KATNIP: variants seen among roughly 807,000 people sequenced by gnomAD.
The protein encoded by KATNIP is katanin-interacting protein.
Under a neutral mutation model 174.0 loss-of-function variants are expected in KATNIP, and 126 were observed. The observed-to-expected ratio is 0.72, with a 90% CI of 0.63 to 0.84. The LOEUF is 0.84. Ranked by LOEUF, KATNIP falls within the 40% of genes least tolerant of loss-of-function variation. The probability of loss-of-function intolerance (pLI) is 0.00; values close to 1 mark genes in which losing one functional copy is unlikely to be tolerated. For missense variants in KATNIP, 1,958 were observed against 2,109.7 expected, an observed-to-expected ratio of 0.93 and a Z score of 1.41; for synonymous variants, 810 against 835.7, an observed-to-expected ratio of 0.97 and a Z score of 0.53.
At chr16:27,673,473 A>G (rs1330978364) in intron 6 of KATNIP, among the ~76,000 whole-genome samples, 7 of 152,336 alleles carry the variant, frequency 4.6e-5, no homozygotes, top group South Asian at 2.1e-4. Flanking sequence ...AACCAGCTCA[A>G]TACACTCAAT....
chr16:27,690,440 A>G (rs1220680307), intron 8 of KATNIP, among the ~76,000 whole-genome samples: 1 of 152,212 alleles, frequency 6.6e-6, no homozygotes, highest in Non-Finnish European at 1.5e-5. Context: ...CAGCTAGAGA[A>G]ACAGACACTA....
At chr16:27,659,773 A>G (rs2077411361) in intron 6 of KATNIP, among the ~76,000 whole-genome samples, 1 of 152,128 alleles carries the variant, frequency 6.6e-6, no homozygotes, top group South Asian at 2.1e-4. Flanking sequence ...ACACTGAGGA[A>G]TGGGAGGGAG....
At chr16:27,744,674 A>G (rs566985593) in intron 15 of KATNIP, among the ~76,000 whole-genome samples, 1 of 152,214 alleles carries the variant, frequency 6.6e-6, no homozygotes, top group East Asian at 1.9e-4. Context: ...CCTGAGGTCA[A>G]GAATTCGAGA....
intron 20 of KATNIP, among the ~76,000 whole-genome samples, 162 bp from the exon 21 acceptor site, chr16:27,769,699 G>A (rs1035527416): frequency 2.6e-5 from 4 of 152,212 alleles, no homozygotes; most frequent in Non-Finnish European, 5.9e-5. Context: ...CCTGCCCAGC[G>A]CCCACACAGC....
At position 27,708,781 on chromosome 16, in the gene KATNIP, A is replaced by G. The variant is rs757280230; in HGVS notation, c.1466A>G (p.Asn489Ser). 7 of 1,613,904 alleles carry G rather than the reference A, an allele frequency of 4.3e-6. No individual in the cohort carries two copies. The highest frequency in any genetic ancestry group is 5.9e-6 in the Non-Finnish European group (7 of 1,180,006). The change falls in exon 13 of 28, where the codon AAC (asparagine) becomes AGC (serine). Residue 489 changes from asparagine to serine, a missense_variant. Around this residue, in one of 3 missense-constraint regions of KATNIP, gnomAD observed 1,557 missense variants for 1,617.8 expected, o/e 0.96. Transcript: ENST00000261588. ...ATGGAGATCCTGTCCAACTGGGGCA[A>G]CTCGTGGTGGGTGGGTCTCACAGAA... ...VTMEILSNWG[N>S]SWWVGLTEVE...
rs550498819 is a variant in KATNIP, at chr16:27,779,928, G to A, written c.*1299G>A. 37 of 152,244 alleles carry A rather than the reference G, an allele frequency of 2.4e-4. No homozygotes were observed. The highest frequency in any genetic ancestry group is 7.9e-4 in the African/African-American group (33 of 41,532). 9.4% of individuals were successfully genotyped at this position (152,244 alleles called of 1,614,324 possible). A position where few individuals can be genotyped will look rare whatever the true frequency, so the allele number is the denominator to read the frequency against. On this transcript the variant is annotated 3_prime_UTR_variant, in exon 28 of 28. Transcript: ENST00000261588. Reference sequence around the variant, plus strand: ...TTCATGAGCTTAGCAGCCTGGGCTCGAGCAGCTATGCAAACGCGCTTTTCA... The same window carrying A: ...TTCATGAGCTTAGCAGCCTGGGCTCAAGCAGCTATGCAAACGCGCTTTTCA...
intron 17 of KATNIP, 52 bp downstream of exon 17, chr16:27,751,976 C>A: frequency 1.4e-6 from 2 of 1,464,418 alleles, no homozygotes; most frequent in East Asian, 2.3e-5. Context: ...GGTTTCTTCC[C>A]CTAACTCAGA....
chr16:27,594,056 A>G (rs2075260736), intron 2 of KATNIP, among the ~76,000 whole-genome samples: 1 of 151,450 alleles, frequency 6.6e-6, no homozygotes, highest in African/African-American at 2.4e-5. Context: ...CTTGCTCAAG[A>G]CCAGCCTGGG....
chr16:27,760,746 T>C (rs1409918469), intron 18 of KATNIP, among the ~76,000 whole-genome samples: 1 of 152,206 alleles, frequency 6.6e-6, no homozygotes, highest in Non-Finnish European at 1.5e-5. Context: ...GAGTTAGGCA[T>C]CTGGCGGGGC....
At chr16:27,559,518 CA>C (rs1194646679) in intron 1 of KATNIP, among the ~76,000 whole-genome samples, 1 of 151,246 alleles carries the variant, frequency 6.6e-6, no homozygotes, top group African/African-American at 2.4e-5. Context: ...CCCACCTCTA[CA>C]AAAAATTGTT....
chr16:27,713,669 A>ATATATATAATATG (rs1224262582), intron 13 of KATNIP, among the ~76,000 whole-genome samples: 5 of 148,512 alleles, frequency 3.4e-5, no homozygotes, highest in African/African-American at 1.2e-4. Flanking sequence ...ATACACATAC[A>ATATATATAATATG]TATTATATAT....
chr16:27,778,097 G>T lies in KATNIP; in HGVS notation c.4801+128G>T. 3.8e-6 allele frequency: 3 copies of T among 789,766 alleles called. No homozygotes were observed. The South Asian group carries it at 5.1e-5, about 13-fold the overall frequency. The allele number at this position is 789,766 out of a possible 1,614,324, so 48.9% of individuals were successfully genotyped here. A position where few individuals can be genotyped will look rare whatever the true frequency, so the allele number is the denominator to read the frequency against. On this transcript the variant is annotated intron_variant, in intron 27 of 27. Coordinates refer to ENST00000261588, the MANE Select transcript of KATNIP (RefSeq NM_015202.5). Reference sequence around the variant, plus strand: ...CTAGACCGCTCTCCTCTGCCCAGGAGCCTGCCCAAAGGCCTAGGGAGGGAC... The same window carrying T: ...CTAGACCGCTCTCCTCTGCCCAGGATCCTGCCCAAAGGCCTAGGGAGGGAC...
At chr16:27,748,696 A>T (rs935391272) in intron 15 of KATNIP, among the ~76,000 whole-genome samples, 4 of 151,994 alleles carry the variant, frequency 2.6e-5, no homozygotes, top group Non-Finnish European at 4.4e-5. Context: ...AAGCGGGAGG[A>T]TCGCTTGAGG....
chr16:27,715,436 A>G (rs917821276), intron 13 of KATNIP, among the ~76,000 whole-genome samples: 4 of 152,376 alleles, frequency 2.6e-5, no homozygotes, highest in South Asian at 2.1e-4. Flanking sequence ...GAAAAAACGG[A>G]TAAGTCAGAC....
chr16:27,630,003 A>G (rs1323977851), intron 4 of KATNIP, among the ~76,000 whole-genome samples: 3 of 152,162 alleles, frequency 2.0e-5, no homozygotes, highest in Non-Finnish European at 4.4e-5. Flanking sequence ...ACAGAGCAAG[A>G]CCCTGTTTCA....
chr16:27,605,405 A>G (rs1461557768), intron 2 of KATNIP, among the ~76,000 whole-genome samples: 4 of 152,336 alleles, frequency 2.6e-5, no homozygotes, highest in South Asian at 2.1e-4. Context: ...ACATTTTTAT[A>G]AAAATACACC....
chr16:27,641,137 C>CAA (rs1255873987), intron 5 of KATNIP, among the ~76,000 whole-genome samples: 151 of 124,786 alleles, frequency 1.2e-3, no homozygotes, highest in African/African-American at 4.1e-3. Context: ...GGCTCTGTCT[C>CAA]AAAAAAAAAA....
intron 5 of KATNIP, among the ~76,000 whole-genome samples, chr16:27,631,983 A>G (rs1233113153): frequency 6.6e-6 from 1 of 152,184 alleles, no homozygotes; most frequent in Non-Finnish European, 1.5e-5. Flanking sequence ...AGTATGTTCC[A>G]ATATTGTCCC....
intron 14 of KATNIP, among the ~76,000 whole-genome samples, chr16:27,737,397 G>A: frequency 6.6e-6 from 1 of 151,998 alleles, no homozygotes; most frequent in South Asian, 2.1e-4. Flanking sequence ...AAAAAAAAGA[G>A]AGCATTCTGT....
Sources: gnomAD v4.1 joint callset for allele counts (sites outside exome capture counted in the v4.1 genomes callset) on GRCh38, gnomAD v4.1.1 for gene constraint, gnomAD v4.1.1 regional missense constraint, MANE v1.5 for transcripts, NCBI Gene and HGNC (gene_info 2026-07-23, HGNC 2026-07-21) for gene names.